The following PCDH15 variants were observed in gnomAD, a reference collection of about 807,000 sequenced individuals.
The protein encoded by PCDH15 is protocadherin related 15.
In PCDH15, 129 loss-of-function variants were observed where a neutral mutation model predicts 178.5. The ratio of observed to expected loss-of-function variants is 0.72; its 90% CI spans 0.63 to 0.84. The LOEUF (loss-of-function observed/expected upper bound fraction) is 0.84. PCDH15 is among the 40% of genes least tolerant of loss of function. The probability of loss-of-function intolerance (pLI) is 0.00; values close to 1 mark genes in which losing one functional copy is unlikely to be tolerated. For missense variants in PCDH15, 2,230 were observed against 2,099.9 expected, an observed-to-expected ratio of 1.06 and a Z score of -1.21; for synonymous variants, 800 against 732.0, an observed-to-expected ratio of 1.09 and a Z score of -1.50.
intron 3 of PCDH15, among the ~76,000 whole-genome samples, chr10:54,463,067 T>C (rs2136508596): frequency 6.6e-6 from 1 of 152,266 alleles, no homozygotes; most frequent in South Asian, 2.1e-4. Context: ...GATCAATCAG[T>C]CTGTTCATAT....
intron 2 of PCDH15, among the ~76,000 whole-genome samples, chr10:54,954,859 G>T (rs1382292842): frequency 6.6e-6 from 1 of 151,042 alleles, no homozygotes; most frequent in Non-Finnish European, 1.5e-5. Flanking sequence ...ACAATCTTTA[G>T]AACAAAATAG....
intron 3 of PCDH15, among the ~76,000 whole-genome samples, chr10:54,518,920 T>C (rs1264457434): frequency 3.9e-5 from 6 of 152,154 alleles, no homozygotes; most frequent in Non-Finnish European, 7.3e-5. Flanking sequence ...TGCAAATCAA[T>C]AAATGTAATC....
At chr10:55,373,244 T>A (rs1467234435) in intron 2 of PCDH15, among the ~76,000 whole-genome samples, 1 of 152,132 alleles carries the variant, frequency 6.6e-6, no homozygotes, top group Non-Finnish European at 1.5e-5. Context: ...ATACAAAGAT[T>A]ATTTCAGGCA....
chr10:55,126,828 T>G (rs994134609), intron 2 of PCDH15, among the ~76,000 whole-genome samples: 2 of 151,812 alleles, frequency 1.3e-5, no homozygotes, highest in African/African-American at 4.8e-5. Context: ...CAACATGACA[T>G]CCCTCTAAGT....
intron 3 of PCDH15, among the ~76,000 whole-genome samples, chr10:54,410,759 C>G (rs1953371744): frequency 6.6e-6 from 1 of 152,030 alleles, no homozygotes; most frequent in Admixed American, 6.6e-5. Flanking sequence ...AGGAAAGCTC[C>G]TGCAAGTTAG....
chr10:54,624,314 C>T (rs759048335), intron 2 of PCDH15, among the ~76,000 whole-genome samples: 6 of 152,148 alleles, frequency 3.9e-5, no homozygotes, highest in South Asian at 2.1e-4. Flanking sequence ...TTTAGAACCA[C>T]TTGTCTAGAG....
chr10:54,455,033 T>C (rs2076729432), intron 3 of PCDH15, among the ~76,000 whole-genome samples: 1 of 152,174 alleles, frequency 6.6e-6, no homozygotes, highest in Admixed American at 6.6e-5. Context: ...ATCATGGTTT[T>C]ATAAGGGGTT....
intron 25 of PCDH15, among the ~76,000 whole-genome samples, chr10:53,920,117 C>T (rs1223072463): frequency 2.6e-5 from 4 of 151,960 alleles, no homozygotes; most frequent in Non-Finnish European, 5.9e-5. Context: ...ATGAGAAATC[C>T]CATTTCTATA....
At chr10:54,514,377 C>A (rs796293670) in intron 3 of PCDH15, among the ~76,000 whole-genome samples, 26 of 151,814 alleles carry the variant, frequency 1.7e-4, no homozygotes, top group African/African-American at 5.8e-4. Flanking sequence ...GATTTTTAAT[C>A]AGATAAATAT....
rs534984618 is a variant in PCDH15 at position 54,326,878 on chromosome 10, T to C, written c.705+2718A>G. Reference sequence around the variant, plus strand: ...AAAAATGCTTAAAATGTTATAACTTTCTATATTTAACATTTCATTGTGTAC... The same window carrying C: ...AAAAATGCTTAAAATGTTATAACTTCCTATATTTAACATTTCATTGTGTAC... On this transcript the variant is annotated intron_variant, in intron 7 of 37. Transcript: ENST00000644397. Among the ~76,000 whole-genome samples, 34 of 152,332 alleles carry C rather than the reference T, an allele frequency of 2.2e-4. No individual in the cohort carries two copies. The East Asian group carries it at 6.4e-3, about 29-fold the overall frequency.
intron 7 of PCDH15, among the ~76,000 whole-genome samples, chr10:54,327,538 T>C (rs1342299): frequency 0.45 from 68,433 of 151,278 alleles, 16,189 homozygotes; most frequent in Middle Eastern, 0.59. Context: ...GATCTATATG[T>C]CTATCTACAT....
Position 54,421,948 on chromosome 10 carries a change from A to AT in PCDH15, c.158-43007_158-43006insA, listed in dbSNP as rs1565232646. 1.3e-4 allele frequency among the ~76,000 whole-genome samples: 12 copies of AT among 89,906 alleles called. 1 individual carries two copies. The highest frequency in any genetic ancestry group is 7.0e-4 in the South Asian group (2 of 2,848). 59.0% of individuals were successfully genotyped at this position (89,906 alleles called of 152,430 possible). On this transcript the variant is annotated intron_variant, in intron 3 of 37. Transcript: ENST00000644397. ...TATACACTATATATATATATATAAA[A>AT]ATATATATATATATATTTAGGGAGG...
rs1877424 is a variant in PCDH15, at chr10:54,782,614, T to A, written c.-29+18311A>T. On this transcript the variant is annotated intron_variant, in intron 1 of 37. Coordinates refer to ENST00000644397, the MANE Select transcript of PCDH15 (RefSeq NM_001384140.1). ...AGGCTGATTTTTTTGCTAATATCTT[T>A]GGTGCTGAGATAATCCAAAAGAGAA... Among the ~76,000 whole-genome samples, 337 of 152,176 alleles carry A rather than the reference T, an allele frequency of 2.2e-3. 2 individuals are homozygous for A. Among genetic ancestry groups the A allele is most frequent in the African/African-American group, 6.5e-3 (271 of 41,536 alleles).
chr10:55,420,682 C>T (rs1838599942), intron 2 of PCDH15, among the ~76,000 whole-genome samples: 1 of 151,668 alleles, frequency 6.6e-6, no homozygotes, highest in African/African-American at 2.4e-5. Context: ...CTATATTTTA[C>T]ATGTTATCTT....
At chr10:53,941,994 C>T (rs553713139) in intron 23 of PCDH15, among the ~76,000 whole-genome samples, 8 of 152,238 alleles carry the variant, frequency 5.3e-5, no homozygotes, top group African/African-American at 1.4e-4. Context: ...AAACCTTTTA[C>T]AAAAAATCCT....
chr10:53,994,298 T>A (rs1589816133), intron 21 of PCDH15, among the ~76,000 whole-genome samples: 1 of 152,192 alleles, frequency 6.6e-6, no homozygotes, highest in Non-Finnish European at 1.5e-5. Flanking sequence ...TTAACGCCAT[T>A]AAACTCTATA....
chr10:54,855,411 C>G (rs988550297), intron 3 of PCDH15, among the ~76,000 whole-genome samples: 1 of 152,166 alleles, frequency 6.6e-6, no homozygotes, highest in Non-Finnish European at 1.5e-5. Flanking sequence ...CATCCCAACT[C>G]AGAAGAGATG....
intron 2 of PCDH15, among the ~76,000 whole-genome samples, chr10:55,587,352 G>C (rs1370792350): frequency 1.3e-5 from 2 of 151,928 alleles, no homozygotes; most frequent in African/African-American, 4.8e-5. Context: ...TCATATATAA[G>C]GCTTTTTAAT....
chr10:54,408,159 G>GT (rs200298512), intron 3 of PCDH15, among the ~76,000 whole-genome samples: 2,380 of 145,856 alleles, frequency 0.016, 50 homozygotes, highest in African/African-American at 0.054. Flanking sequence ...ATAATTAGCT[G>GT]TTTTTTTAAA....
Sources: allele counts gnomAD v4.1 joint callset (sites outside exome capture counted in the v4.1 genomes callset), GRCh38; gene constraint gnomAD v4.1.1; transcripts MANE v1.5; gene names NCBI Gene and HGNC (gene_info 2026-07-23, HGNC 2026-07-21).